Variants in AGBL4 observed in about 807,000 individuals in gnomAD.
AGBL4 encodes cytosolic carboxypeptidase 6.
In AGBL4, 58 loss-of-function variants were observed where a neutral mutation model predicts 66.4. That is an observed-to-expected ratio of 0.87 (90% CI 0.71 to 1.09). The LOEUF (loss-of-function observed/expected upper bound fraction) is 1.09, where lower values mean the gene tolerates loss of function less well. AGBL4 is among the 50% of genes least tolerant of loss of function. The pLI is 0.00. For missense variants in AGBL4, 579 were observed against 631.0 expected (o/e 0.92, Z 0.88); for synonymous variants, 234 against 222.9 (o/e 1.05, Z -0.44).
At position 49,320,052 on chromosome 1, in the gene AGBL4, C is replaced by G. The variant is rs569549025; in HGVS notation, c.283-74188G>C. On this transcript the variant is annotated intron_variant, in intron 3 of 13. Transcript: ENST00000371839. ...GCTCAAGACATCCTTCCACCTCCAT[C>G]TCCCGAGTAGCTGGGCCCACAGACG... 7.9e-5 allele frequency among the ~76,000 whole-genome samples: 12 copies of G among 152,214 alleles called. No individual in the cohort carries two copies. In the East Asian group the frequency reaches 1.5e-3, roughly 20 times the overall value.
chr1:49,493,785 A>C (rs1051745062), intron 3 of AGBL4, among the ~76,000 whole-genome samples: 1 of 152,048 alleles, frequency 6.6e-6, no homozygotes, highest in African/African-American at 2.4e-5. Context: ...TTTGACAAAA[A>C]ATAAATCCTA....
chr1:49,985,187 C>T (rs1460721163), intron 1 of AGBL4, among the ~76,000 whole-genome samples: 2 of 152,112 alleles, frequency 1.3e-5, no homozygotes, highest in African/African-American at 2.4e-5. Flanking sequence ...AACCCTTCCC[C>T]GCCTGCCCCA....
intron 4 of AGBL4, among the ~76,000 whole-genome samples, chr1:49,136,748 A>T (rs1646018844): frequency 6.6e-6 from 1 of 152,172 alleles, no homozygotes; most frequent in Admixed American, 6.6e-5. Flanking sequence ...ATGAAAAAAC[A>T]TAAATACAGA....
chr1:49,660,537 G>A (rs1210900461), intron 3 of AGBL4, among the ~76,000 whole-genome samples: 1 of 152,208 alleles, frequency 6.6e-6, no homozygotes, highest in Non-Finnish European at 1.5e-5. Flanking sequence ...GTGGAAGACA[G>A]TGTGGTAATT....
At chr1:49,247,082 G>A (rs960626640) in intron 3 of AGBL4, among the ~76,000 whole-genome samples, 3 of 152,032 alleles carry the variant, frequency 2.0e-5, no homozygotes, top group Non-Finnish European at 2.9e-5. Flanking sequence ...GTAGATGACA[G>A]AATTGATACT....
intron 3 of AGBL4, among the ~76,000 whole-genome samples, chr1:49,374,924 C>T (rs1237927920): frequency 6.6e-6 from 1 of 152,134 alleles, no homozygotes; most frequent in Admixed American, 6.6e-5. Flanking sequence ...CAAGTTTACA[C>T]TTCTCGATAA....
chr1:49,390,421 G>A (rs1237600270), intron 3 of AGBL4, among the ~76,000 whole-genome samples: 1 of 152,160 alleles, frequency 6.6e-6, no homozygotes, highest in African/African-American at 2.4e-5. Flanking sequence ...GGATTACAGG[G>A]CTGCTGGAAA....
intron 3 of AGBL4, among the ~76,000 whole-genome samples, chr1:49,489,497 T>C (rs1165114902): frequency 2.0e-5 from 3 of 151,886 alleles, no homozygotes; most frequent in Non-Finnish European, 2.9e-5. Context: ...CTCTCCACTT[T>C]CTTGATTGTT....
At chr1:48,604,290 G>T (rs892656715) in intron 9 of AGBL4, among the ~76,000 whole-genome samples, 2 of 152,130 alleles carry the variant, frequency 1.3e-5, no homozygotes, top group East Asian at 1.9e-4. Context: ...TGGATTGAGG[G>T]GGGGCATCCA....
At chr1:49,870,999 G>A (rs1183094851) in intron 1 of AGBL4, among the ~76,000 whole-genome samples, 2 of 152,058 alleles carry the variant, frequency 1.3e-5, no homozygotes, top group Non-Finnish European at 2.9e-5. Flanking sequence ...GAGACGTGGG[G>A]CCAGAAAATA....
At chr1:49,918,750 T>A (rs545495021) in intron 1 of AGBL4, among the ~76,000 whole-genome samples, 1 of 152,238 alleles carries the variant, frequency 6.6e-6, no homozygotes, top group South Asian at 2.1e-4. Context: ...GCCAACATCA[T>A]CCTGATACCA....
intron 4 of AGBL4, among the ~76,000 whole-genome samples, chr1:49,079,152 T>C (rs912830900): frequency 6.6e-6 from 1 of 152,322 alleles, no homozygotes; most frequent in East Asian, 1.9e-4. Context: ...AAAATATTTA[T>C]TAAACCCAAA....
chr1:49,084,958 A>G (rs955479443), intron 4 of AGBL4, among the ~76,000 whole-genome samples: 15 of 152,078 alleles, frequency 9.9e-5, no homozygotes, highest in African/African-American at 3.6e-4. Context: ...TCAAGGTGTG[A>G]TGGTTTAATT....
intron 5 of AGBL4, among the ~76,000 whole-genome samples, chr1:48,880,665 G>C (rs1649690445): frequency 6.6e-6 from 1 of 152,148 alleles, no homozygotes; most frequent in Non-Finnish European, 1.5e-5. Context: ...CATTCTTGCA[G>C]GAGTAAGGTG....
At chr1:48,646,785 C>T (rs1440359402) in intron 8 of AGBL4, among the ~76,000 whole-genome samples, 1 of 152,062 alleles carries the variant, frequency 6.6e-6, no homozygotes, top group African/African-American at 2.4e-5. Context: ...GGGCAAGTTC[C>T]GTGGTAATTA....
rs200927567 is a variant in AGBL4 at position 49,033,880 on chromosome 1, C to T, written c.594+11704G>A. Among the ~76,000 whole-genome samples, 7 of 148,406 alleles carry T rather than the reference C, an allele frequency of 4.7e-5. No individual in the cohort carries two copies. In the East Asian group the frequency reaches 1.4e-3, roughly 30 times the overall value. Reference sequence around the variant, plus strand: ...TTTGGTTTGGATTCTGAAGATCTTTCAAGACAGGGCTTTCAGAATCTTCCC... The same window carrying T: ...TTTGGTTTGGATTCTGAAGATCTTTTAAGACAGGGCTTTCAGAATCTTCCC... On this transcript the variant is annotated intron_variant, in intron 5 of 13. Transcript: ENST00000371839.
At chr1:48,728,482 C>CT (rs11441549) in intron 6 of AGBL4, among the ~76,000 whole-genome samples, 56,918 of 136,958 alleles carry the variant, frequency 0.42, 11,779 homozygotes, top group African/African-American at 0.5. Context: ...TTCTGACTTG[C>CT]TTTTTTTTTT....
intron 6 of AGBL4, among the ~76,000 whole-genome samples, chr1:48,712,115 C>G (rs1052891934): frequency 2.6e-5 from 4 of 152,208 alleles, no homozygotes; most frequent in African/African-American, 7.2e-5. Flanking sequence ...CAATCCAACT[C>G]AAGGCTCCCC....
At chr1:49,368,814 C>T (rs1057315022) in intron 3 of AGBL4, among the ~76,000 whole-genome samples, 6 of 152,158 alleles carry the variant, frequency 3.9e-5, no homozygotes, top group South Asian at 2.1e-4. Context: ...GTGGCTCATG[C>T]CTGTAATCCC....
Sources: gnomAD v4.1 joint callset for allele counts (sites outside exome capture counted in the v4.1 genomes callset) on GRCh38, gnomAD v4.1.1 for gene constraint, MANE v1.5 for transcripts, NCBI Gene and HGNC (gene_info 2026-07-23, HGNC 2026-07-21) for gene names.